Variants in TUSC3 observed in about 807,000 individuals in gnomAD.
TUSC3 encodes the protein tumor suppressor candidate 3, also known as dolichyl-diphosphooligosaccharide--protein glycosyltransferase subunit TUSC3.
In TUSC3, 45 loss-of-function variants were observed where a neutral mutation model predicts 44.8. The observed-to-expected ratio is 1.00, with a 90% confidence interval of 0.79 to 1.29. The LOEUF is 1.29. Ranked by LOEUF, TUSC3 falls within the 50% of genes most tolerant of loss-of-function variation. TUSC3 has a pLI of 0.00. For missense variants in TUSC3, 519 were observed against 437.9 expected (o/e 1.19, Z -1.65); for synonymous variants, 212 against 152.9 (o/e 1.39, Z -2.85).
intron 1 of TUSC3, among the ~76,000 whole-genome samples, chr8:15,458,586 A>G (rs12680843): frequency 0.14 from 22,040 of 152,182 alleles, 2,284 homozygotes; most frequent in East Asian, 0.37. Flanking sequence ...AAAGCAGGCT[A>G]TGTATGGACC....
At chr8:15,797,909 T>A in the TUSC3 span, among the ~76,000 whole-genome samples, 10 of 152,222 alleles carry the variant, frequency 6.6e-5, no homozygotes, top group East Asian at 1.9e-3. Flanking sequence ...CCTGTTAGGT[T>A]TTTTTTTCCA....
intron 2 of TUSC3, among the ~76,000 whole-genome samples, chr8:15,633,042 A>G (rs571211345): frequency 3.3e-5 from 5 of 152,290 alleles, no homozygotes; most frequent in South Asian, 4.1e-4. Flanking sequence ...CTGAGGTAGT[A>G]TTATTGCTTT....
chr8:15,654,163 A>T (rs1222794914), intron 3 of TUSC3, among the ~76,000 whole-genome samples: 1 of 152,198 alleles, frequency 6.6e-6, no homozygotes, highest in African/African-American at 2.4e-5. Context: ...AGGTCTTAGT[A>T]TGGATTTTCC....
At chr8:15,774,463 A>G in the TUSC3 span, among the ~76,000 whole-genome samples, 1 of 152,202 alleles carries the variant, frequency 6.6e-6, no homozygotes, top group African/African-American at 2.4e-5. Flanking sequence ...CAAGCCAGCA[A>G]GTGCCACAGA....
At chr8:15,626,151 C>T (rs938852154) in intron 2 of TUSC3, among the ~76,000 whole-genome samples, 1 of 152,136 alleles carries the variant, frequency 6.6e-6, no homozygotes, top group Non-Finnish European at 1.5e-5. Context: ...GTGCCACCCC[C>T]ACCCTCCTGA....
rs1304166094 is a variant in TUSC3 at position 15,717,251 on chromosome 8, G to A, written c.799-13415G>A. Among the ~76,000 whole-genome samples the A allele has an allele frequency of 2.6e-5, 4 of 152,032 alleles. No individual in the cohort carries two copies. In the East Asian group the frequency reaches 7.7e-4, roughly 29 times the overall value. ...ATTAAAGGAGGTGGAATTTGAATTG[G>A]CCTTAAAATCAAGGTGAATTTTGGT... On this transcript the variant is annotated intron_variant, in intron 6 of 10. Coordinates refer to ENST00000503731, the MANE Select transcript of TUSC3 (RefSeq NM_006765.4).
chr8:15,534,017 G>A (rs1187780760), intron 2 of TUSC3, among the ~76,000 whole-genome samples: 1 of 152,128 alleles, frequency 6.6e-6, no homozygotes, highest in Non-Finnish European at 1.5e-5. Flanking sequence ...TTGATCAAGG[G>A]AAACTTTAGA....
chr8:15,846,378 C>G, the TUSC3 span, among the ~76,000 whole-genome samples: 1 of 152,008 alleles, frequency 6.6e-6, no homozygotes, highest in African/African-American at 2.4e-5. Flanking sequence ...GAATATATAC[C>G]CAAAGGATTG....
At chr8:15,552,499 G>A (rs1166007182) in intron 1 of TUSC3, among the ~76,000 whole-genome samples, 1 of 151,660 alleles carries the variant, frequency 6.6e-6, no homozygotes, top group Non-Finnish European at 1.5e-5. Flanking sequence ...AGCATATTGG[G>A]GTGAGCTGAA....
In TUSC3 at chr8:15,749,102, C is replaced by T. The variant is rs1001420604; in HGVS notation, c.1028+637C>T. ...CATATATTCATTCTTGAGCTTTTTC[C>T]TCCTTCAAGTTTTCTTAAATAACTT... On this transcript the variant is annotated intron_variant, in intron 9 of 10. Transcript: ENST00000503731. Among the ~76,000 whole-genome samples the T allele has an allele frequency of 2.1e-5, 3 of 139,888 alleles. No homozygotes were observed. The South Asian group carries it at 7.5e-4, about 35-fold the overall frequency. The allele number at this position is 139,888 out of a possible 152,430, so 91.8% of individuals were successfully genotyped here. A position where few individuals can be genotyped will look rare whatever the true frequency, so the allele number is the denominator to read the frequency against.
chr8:15,559,165 C>G (rs1222182676), intron 1 of TUSC3, among the ~76,000 whole-genome samples: 1 of 143,334 alleles, frequency 7.0e-6, no homozygotes, highest in Non-Finnish European at 1.5e-5. Flanking sequence ...CCTCTACACA[C>G]TGCTTTGAAT....
In TUSC3 at chr8:15,764,577, G is replaced by C; in HGVS notation, c.*421G>C. The C allele has an allele frequency of 4.3e-6, 1 of 234,668 alleles. No homozygotes were observed. The highest frequency in any genetic ancestry group is 6.0e-5 in the South Asian group (1 of 16,694). The allele number at this position is 234,668 out of a possible 1,614,324, so 14.5% of individuals were successfully genotyped here. On this transcript the variant is annotated 3_prime_UTR_variant, in exon 11 of 11. Transcript: ENST00000503731. ...ATGTATGTTAAAGATTCTTAGTATT[G>C]TACAGGGATAAAGCAAATGCATGAA...
At chr8:15,762,795 G>C (rs945603344) in intron 10 of TUSC3, among the ~76,000 whole-genome samples, 1 of 152,068 alleles carries the variant, frequency 6.6e-6, no homozygotes, top group African/African-American at 2.4e-5. Flanking sequence ...TAATGCCACA[G>C]TTCATGTACA....
downstream of TUSC3, among the ~76,000 whole-genome samples, chr8:15,769,140 C>G (rs1286292109): frequency 1.3e-5 from 2 of 152,054 alleles, no homozygotes; most frequent in African/African-American, 4.8e-5. Flanking sequence ...AAAAAAAGAA[C>G]AAAGCTGAAG....
Position 15,566,380 on chromosome 8 carries a change from A to G in TUSC3, c.138+25812A>G, listed in dbSNP as rs992474076. Among the ~76,000 whole-genome samples, 15 of 152,250 alleles carry G rather than the reference A, an allele frequency of 9.9e-5. No individual in the cohort carries two copies. The Middle Eastern group carries it at 0.01, about 104-fold the overall frequency. On this transcript the variant is annotated intron_variant, in intron 1 of 10. Coordinates refer to ENST00000503731, the MANE Select transcript of TUSC3 (RefSeq NM_006765.4). The stretch of plus-strand genomic sequence containing the variant: ...GGCGTTTTGAGGAAAACAACTTTAA[A>G]TCATTTTATTATTCCTCATAGGATT...
At chr8:15,492,440 A>C (rs1277125825) in intron 2 of TUSC3, among the ~76,000 whole-genome samples, 3 of 152,226 alleles carry the variant, frequency 2.0e-5, no homozygotes, top group Non-Finnish European at 4.4e-5. Flanking sequence ...GATTAAAGTC[A>C]GTAGGGGGAA....
At chr8:15,773,323 C>T in the TUSC3 span, among the ~76,000 whole-genome samples, 1 of 151,972 alleles carries the variant, frequency 6.6e-6, no homozygotes, top group African/African-American at 2.4e-5. Flanking sequence ...TATATACTAG[C>T]AATGAAGAGT....
chr8:15,807,720 G>C, the TUSC3 span, among the ~76,000 whole-genome samples: 3 of 152,158 alleles, frequency 2.0e-5, no homozygotes, highest in African/African-American at 4.8e-5. Context: ...CAGCAATGTG[G>C]ATGCAGCTGG....
At chr8:15,801,208 GC>G in the TUSC3 span, among the ~76,000 whole-genome samples, 1 of 152,194 alleles carries the variant, frequency 6.6e-6, no homozygotes, top group Non-Finnish European at 1.5e-5. Flanking sequence ...GATTACGCAC[GC>G]CTCTCCTTTT....
Sources: gnomAD v4.1 joint callset for allele counts (sites outside exome capture counted in the v4.1 genomes callset) on GRCh38, gnomAD v4.1.1 for gene constraint, MANE v1.5 for transcripts, NCBI Gene and HGNC (gene_info 2026-07-23, HGNC 2026-07-21) for gene names.